PTGS2: variants seen among roughly 807,000 people sequenced by gnomAD.
The protein encoded by PTGS2 is prostaglandin G/H synthase 2.
A neutral mutation model predicts 63.8 loss-of-function variants in PTGS2; 14 were observed. The observed-to-expected ratio is 0.22, with a 90% CI of 0.14 to 0.34. The LOEUF is 0.34. PTGS2 is among the 10% of genes least tolerant of loss of function. The pLI is 1.00. For missense variants in PTGS2, 533 were observed against 738.5 expected (o/e 0.72, Z 3.23); for synonymous variants, 271 against 259.5 (o/e 1.04, Z -0.43).
At position 186,671,885 on chromosome 1, in the gene PTGS2, C is replaced by T. The variant is rs372262132; in HGVS notation, c.*2468G>A. On this transcript the variant is annotated 3_prime_UTR_variant, in exon 10 of 10. Transcript: ENST00000367468. ...CATTTATTTCCAGACTTATCTTTTA[C>T]ATAAGTTAAATACACATTTGTCTGA... The T allele has an allele frequency of 1.3e-5, 2 of 151,974 alleles. No homozygotes were observed. The highest frequency in any genetic ancestry group is 1.9e-4 in the East Asian group (1 of 5,190). The allele number at this position is 151,974 out of a possible 1,614,324, so 9.4% of individuals were successfully genotyped here. A position where few individuals can be genotyped will look rare whatever the true frequency, so the allele number is the denominator to read the frequency against.
rs1362856586 is a variant in PTGS2, at chr1:186,675,921, A to C, written c.1234T>G (p.Phe412Val). The change falls in exon 8 of 10, where the codon TTC becomes GTC. Residue 412 changes from phenylalanine (F) to valine (V), a missense_variant. Around this residue, in one of 5 missense-constraint regions of PTGS2, gnomAD observed 219 missense variants for 267.4 expected, o/e 0.82. Coordinates refer to ENST00000367468, the MANE Select transcript of PTGS2 (RefSeq NM_000963.4). Reference protein sequence around the residue: ...EHGITQFVESFTRQIAGRVAG... With the variant: ...EHGITQFVESVTRQIAGRVAG... ...ACCCTGCCAGCAATTTGCCTGGTGA[A>C]TGATTCAACAAACTGGGTAATTCCA... 1 of 1,611,386 alleles carries C rather than the reference A, an allele frequency of 6.2e-7. No homozygotes were observed. The highest frequency in any genetic ancestry group is 1.1e-5 in the South Asian group (1 of 90,970).
At chr1:186,675,533 C>T (rs1454559837) in intron 8 of PTGS2, 137 bp from the exon 9 acceptor site, 2 of 1,007,774 alleles carry the variant, frequency 2.0e-6, no homozygotes, top group Non-Finnish European at 2.8e-6. Flanking sequence ...AAGATGCTTA[C>T]CTACATTTCA....
Position 186,676,594 on chromosome 1 carries a change from C to T in PTGS2, c.843G>A (p.Val281=), listed in dbSNP as rs762189430. The T allele has an allele frequency of 1.2e-6, 2 of 1,614,042 alleles. No individual in the cohort carries two copies. Among genetic ancestry groups the T allele is most frequent in the African/African-American group, 2.7e-5 (2 of 74,912 alleles). Reference sequence around the variant, plus strand: ...TTGTGGCATACATCATCAGACCAGGCACCAGACCAAAGACCTCCTGCCCCA... The same window carrying T: ...TTGTGGCATACATCATCAGACCAGGTACCAGACCAAAGACCTCCTGCCCCA... ...FAVGQEVFGL[V]PGLMMYATIW... Residue 281 remains valine, a synonymous_variant, in exon 7 of 10, where the codon GTG becomes GTA. Transcript: ENST00000367468.
chr1:186,679,772 A>G (rs1187770998), intron 1 of PTGS2, among the ~76,000 whole-genome samples: 1 of 152,202 alleles, frequency 6.6e-6, no homozygotes, highest in Non-Finnish European at 1.5e-5. Flanking sequence ...TACACTAATC[A>G]ACATTTAGGG....
Position 186,678,396 on chromosome 1 carries a change from G to A in PTGS2, c.322C>T (p.His108Tyr). 2 of 1,594,632 alleles carry A rather than the reference G, an allele frequency of 1.3e-6. No individual in the cohort carries two copies. The highest frequency in any genetic ancestry group is 8.5e-7 in the Non-Finnish European group (1 of 1,171,748). ...TAAGTTGGTGGACTGTCAATCAAAT[G>A]TGATCTGGCTGAAATTTTCAAAGAA... ...IMSYVLTSRS[H>Y]LIDSPPTYNA... Residue 108 changes from histidine to tyrosine, a missense_variant, in exon 4 of 10, where the codon CAT (histidine) becomes TAT (tyrosine). By Grantham distance (83) the His-to-Tyr change is moderately conservative. Transcript: ENST00000367468.
rs201373237 is a variant in PTGS2 at position 186,675,905 on chromosome 1, G to A, written c.1250C>T (p.Ala417Val). 1 of 1,609,260 alleles carries A rather than the reference G, an allele frequency of 6.2e-7. No individual in the cohort carries two copies. The highest frequency in any genetic ancestry group is 2.2e-5 in the East Asian group (1 of 44,744). The change falls in exon 8 of 10, where the codon GCT becomes GTT. Residue 417 changes from alanine to valine, a missense_variant. Ala to Val is a moderately conservative substitution (Grantham distance 64). Coordinates refer to ENST00000367468, the MANE Select transcript of PTGS2 (RefSeq NM_000963.4). ...QFVESFTRQI[A>V]GRVAGGRNVP... is the part of the protein sequence containing the mutation. The stretch of plus-strand genomic sequence containing the variant: ...TTCAATAATAATGCTTACCCTGCCA[G>A]CAATTTGCCTGGTGAATGATTCAAC...
At chr1:186,677,275 T>G (rs149054401) in intron 5 of PTGS2, among the ~76,000 whole-genome samples, 1 of 152,296 alleles carries the variant, frequency 6.6e-6, no homozygotes, top group Non-Finnish European at 1.5e-5. Context: ...AAAATAATAA[T>G]GCGGCAAAAA....
intron 5 of PTGS2, among the ~76,000 whole-genome samples, chr1:186,677,192 T>A (rs564199855): frequency 4.6e-5 from 7 of 152,160 alleles, no homozygotes; most frequent in Admixed American, 3.9e-4. Flanking sequence ...ATGGTAATTA[T>A]AAAAAAGTAT....
At chr1:186,678,440 C>T (rs747068248) in intron 3 of PTGS2, 36 bp from the exon 4 acceptor site, 5 of 1,538,764 alleles carry the variant, frequency 3.2e-6, no homozygotes, top group Admixed American at 3.8e-5. Context: ...TTTATTTATT[C>T]TCATTTGTTA....
rs202020013 is a variant in PTGS2, at chr1:186,675,369, C to A, written c.1285G>T (p.Ala429Ser). ...RVAGGRNVPP[A>S]VQKVSQASID... ...GAAGCCTGTGATACTTTCTGTACTG[C>A]GGGTGGAACATTCCTACCACCAGCA... The change falls in exon 9 of 10, where the codon GCA becomes TCA. Residue 429 changes from alanine to serine, a missense_variant. This residue lies in a region of PTGS2 where 219 missense variants were observed against 267.4 expected (regional missense o/e 0.82). Coordinates refer to ENST00000367468, the MANE Select transcript of PTGS2 (RefSeq NM_000963.4). 3.1e-6 allele frequency: 5 copies of A among 1,612,306 alleles called. No individual in the cohort carries two copies. Among genetic ancestry groups the A allele is most frequent in the South Asian group, 1.1e-5 (1 of 90,494 alleles).
intron 6 of PTGS2, 38 bp from the exon 7 acceptor site, chr1:186,676,751 A>G (rs1375408046): frequency 6.3e-7 from 1 of 1,599,546 alleles, no homozygotes; most frequent in Admixed American, 1.7e-5. Context: ...TCAGTTAAAA[A>G]GTTAAGGAAC....
chr1:186,676,764 AT>A, intron 6 of PTGS2, 51 bp from the exon 7 acceptor site: 1 of 1,595,282 alleles, frequency 6.3e-7, no homozygotes, highest in Middle Eastern at 1.8e-4. Flanking sequence ...TAAGGAACAC[AT>A]TTTTAGGGAT....
At chr1:186,680,214 C>G in intron 1 of PTGS2, 25 bp downstream of exon 1, 1 of 1,549,686 alleles carries the variant, frequency 6.5e-7, no homozygotes, top group Non-Finnish European at 8.7e-7. Context: ...ACCGGAGTCC[C>G]CGGTGCGCGG....
In PTGS2 at chr1:186,678,538, AAACAAC is replaced by A. The variant is rs913813713; in HGVS notation, c.314-140_314-135del. The stretch of plus-strand genomic sequence containing the variant: ...TCCAAAATAAAAAAAATCTATTTTT[AAACAAC>A]TACACTTTATAGTCTAATGGCCACT... On this transcript the variant is annotated intron_variant, in intron 3 of 9. Coordinates refer to ENST00000367468, the MANE Select transcript of PTGS2 (RefSeq NM_000963.4). 3 of 791,194 alleles carry A rather than the reference AAACAAC, an allele frequency of 3.8e-6. No homozygotes were observed. The Admixed American group carries it at 9.2e-5, about 24-fold the overall frequency. The allele number at this position is 791,194 out of a possible 1,614,324, so 49.0% of individuals were successfully genotyped here. A position where few individuals can be genotyped will look rare whatever the true frequency, so the allele number is the denominator to read the frequency against.
chr1:186,675,967 G>A lies in PTGS2; in HGVS notation c.1188C>T (p.Asn396=), dbSNP rs1185737631. 1 of 1,613,950 alleles carries A rather than the reference G, an allele frequency of 6.2e-7. No homozygotes were observed. The highest frequency in any genetic ancestry group is 2.2e-5 in the East Asian group (1 of 44,866). ...TTCCATGTTCCAGCAATATAGAGTT[G>A]TTGTAGATAAACTGTTGATAGTTGT... ...QKYNYQQFIY[N]NSILLEHGIT... Residue 396 remains asparagine, a synonymous_variant, in exon 8 of 10, where the codon AAC becomes AAT. Coordinates refer to ENST00000367468, the MANE Select transcript of PTGS2 (RefSeq NM_000963.4).
At chr1:186,677,603 G>T in intron 5 of PTGS2, 46 bp downstream of exon 5, 1 of 1,488,164 alleles carries the variant, frequency 6.7e-7, no homozygotes, top group South Asian at 1.3e-5. Context: ...CCTTGACTAT[G>T]ATTTGGTATA....
intron 1 of PTGS2, among the ~76,000 whole-genome samples, chr1:186,679,893 C>T (rs4648259): frequency 2.9e-4 from 44 of 152,182 alleles, no homozygotes; most frequent in African/African-American, 9.4e-4. Context: ...AAAACAACTT[C>T]TTCCACTCAA....
chr1:186,671,984 G>GA lies in PTGS2; in HGVS notation c.*2368_*2369insT, dbSNP rs757813906. The GA allele has an allele frequency of 6.7e-6, 1 of 149,354 alleles. No individual in the cohort carries two copies. The highest frequency in any genetic ancestry group is 1.5e-5 in the Non-Finnish European group (1 of 67,092). The allele number at this position is 149,354 out of a possible 1,614,324, so 9.3% of individuals were successfully genotyped here. ...CAGATCAATGTTAATAACAAATCAAGTTTTTTTTTTAAAAAAAACAGTGAA... is the reference window on the plus strand; with the variant it reads ...CAGATCAATGTTAATAACAAATCAAGATTTTTTTTTTAAAAAAAACAGTGAA... On this transcript the variant is annotated 3_prime_UTR_variant, in exon 10 of 10. Transcript: ENST00000367468.
chr1:186,677,712 C>A lies in PTGS2; in HGVS notation c.576G>T (p.Thr192=). The change falls in exon 5 of 10, where the codon ACG becomes ACT. Residue 192 remains threonine, a synonymous_variant. Coordinates refer to ENST00000367468, the MANE Select transcript of PTGS2 (RefSeq NM_000963.4). ...MMFAFFAQHF[T]HQFFKTDHKR... ...TATGATCTGTCTTGAAAAACTGATG[C>A]GTGAAGTGCTGGGCAAAGAATGCAA... The A allele has an allele frequency of 1.2e-6, 2 of 1,613,882 alleles. No individual in the cohort carries two copies. Among genetic ancestry groups the A allele is most frequent in the Non-Finnish European group, 1.7e-6 (2 of 1,179,938 alleles).
Sources: gnomAD v4.1 joint callset for allele counts (sites outside exome capture counted in the v4.1 genomes callset) on GRCh38, gnomAD v4.1.1 for gene constraint, gnomAD v4.1.1 regional missense constraint, MANE v1.5 for transcripts, NCBI Gene and HGNC (gene_info 2026-07-23, HGNC 2026-07-21) for gene names.